The following SEMA5A variants were observed in gnomAD, a reference collection of about 807,000 sequenced individuals.
The protein encoded by SEMA5A is semaphorin-5A.
Under a neutral mutation model 135.5 loss-of-function variants are expected in SEMA5A, and 55 were observed. The observed-to-expected ratio is 0.41, with a 90% CI of 0.33 to 0.51. The LOEUF is 0.51. SEMA5A is among the 20% of genes least tolerant of loss of function. The pLI, the probability that SEMA5A is intolerant of heterozygous loss-of-function variation, is 0.37. For missense variants in SEMA5A, 1,290 were observed against 1,419.9 expected, an observed-to-expected ratio of 0.91 and a Z score of 1.47; for synonymous variants, 580 against 546.5, an observed-to-expected ratio of 1.06 and a Z score of -0.85.
At chr5:9,125,635 A>C (rs1270860057) in intron 13 of SEMA5A, among the ~76,000 whole-genome samples, 2 of 150,898 alleles carry the variant, frequency 1.3e-5, no homozygotes, top group African/African-American at 4.9e-5. Flanking sequence ...GATACACTGG[A>C]TCCTACCCAA....
At chr5:9,316,434 C>A (rs1752392894) in intron 5 of SEMA5A, among the ~76,000 whole-genome samples, 1 of 152,094 alleles carries the variant, frequency 6.6e-6, no homozygotes, top group African/African-American at 2.4e-5. Context: ...ACGGAGCTAG[C>A]AAATTTAAAA....
At chr5:9,510,349 A>G (rs1736138978) in intron 1 of SEMA5A, among the ~76,000 whole-genome samples, 1 of 152,244 alleles carries the variant, frequency 6.6e-6, no homozygotes, top group African/African-American at 2.4e-5. Context: ...TGAACACATT[A>G]AAACCTCCAG....
chr5:9,497,313 T>C (rs1735352578), intron 1 of SEMA5A, among the ~76,000 whole-genome samples: 1 of 152,206 alleles, frequency 6.6e-6, no homozygotes, highest in South Asian at 2.1e-4. Flanking sequence ...CAAGTATCTT[T>C]TTATTTTTAA....
chr5:9,451,163 G>C (rs1364159701), intron 1 of SEMA5A, among the ~76,000 whole-genome samples: 1 of 152,138 alleles, frequency 6.6e-6, no homozygotes, highest in East Asian at 1.9e-4. Flanking sequence ...TCCTCTCTCA[G>C]ATCAGCAGAC....
At chr5:9,124,995 G>A (rs146453428) in intron 13 of SEMA5A, among the ~76,000 whole-genome samples, 25 of 152,196 alleles carry the variant, frequency 1.6e-4, no homozygotes, top group African/African-American at 5.3e-4. Flanking sequence ...CATTCTCTTC[G>A]GGTTACAAAC....
chr5:9,162,000 G>A (rs1321178283), intron 11 of SEMA5A, among the ~76,000 whole-genome samples: 1 of 152,232 alleles, frequency 6.6e-6, no homozygotes, highest in Non-Finnish European at 1.5e-5. Flanking sequence ...CTCACAGGCA[G>A]TGGCAGATGC....
At chr5:9,428,258 T>G (rs1429178123) in intron 2 of SEMA5A, among the ~76,000 whole-genome samples, 1 of 152,130 alleles carries the variant, frequency 6.6e-6, no homozygotes, top group South Asian at 2.1e-4. Flanking sequence ...GACATGTACA[T>G]CCAGATAACT....
intron 8 of SEMA5A, among the ~76,000 whole-genome samples, chr5:9,216,330 T>C (rs899414963): frequency 5.3e-5 from 8 of 152,234 alleles, no homozygotes; most frequent in Non-Finnish European, 7.3e-5. Context: ...TCTATGTCTA[T>C]TGCACTGTGA....
At chr5:9,076,357 G>T (rs1738058493) in intron 16 of SEMA5A, among the ~76,000 whole-genome samples, 1 of 152,002 alleles carries the variant, frequency 6.6e-6, no homozygotes, top group African/African-American at 2.4e-5. Flanking sequence ...AAAAAAAGTT[G>T]ATCACATGGA....
intron 1 of SEMA5A, among the ~76,000 whole-genome samples, chr5:9,504,233 AAAAAAAC>A (rs1735751262): frequency 4.6e-5 from 7 of 151,514 alleles, no homozygotes; most frequent in African/African-American, 1.7e-4. Context: ...AGAAAAAAAA[AAAAAAAC>A]AAAAGAAAAG....
At chr5:9,448,816 G>C (rs1265479865) in intron 1 of SEMA5A, among the ~76,000 whole-genome samples, 1 of 152,144 alleles carries the variant, frequency 6.6e-6, no homozygotes, top group Non-Finnish European at 1.5e-5. Context: ...ACCGTGACAT[G>C]TGATGCTGGC....
At chr5:9,197,117 G>T (rs761078982) in intron 10 of SEMA5A, 51 bp downstream of exon 10, 3 of 1,610,112 alleles carry the variant, frequency 1.9e-6, no homozygotes, top group East Asian at 2.2e-5. Context: ...CAAGGCTTCT[G>T]CATTCTTCAT....
At position 9,379,973 on chromosome 5, in the gene SEMA5A, G is replaced by A. The variant is rs776254829; in HGVS notation, c.-27C>T. On this transcript the variant is annotated 5_prime_UTR_variant, in exon 3 of 23. Coordinates refer to ENST00000382496, the MANE Select transcript of SEMA5A (RefSeq NM_003966.3). ...GTGGGCAAGGGGCCTCTGACTCTGG[G>A]CACGTGTCTTCTAAACAGAAGCTCT... is the stretch of plus-strand genomic sequence containing the variant. 1.3e-6 allele frequency: 2 copies of A among 1,595,232 alleles called. No individual in the cohort carries two copies. Among genetic ancestry groups the A allele is most frequent in the Non-Finnish European group, 1.7e-6 (2 of 1,169,644 alleles).
intron 11 of SEMA5A, among the ~76,000 whole-genome samples, chr5:9,168,533 G>T (rs2150301603): frequency 6.6e-6 from 1 of 152,274 alleles, no homozygotes; most frequent in African/African-American, 2.4e-5. Flanking sequence ...GTGGGTGAGG[G>T]GGAGGAGGAT....
intron 6 of SEMA5A, among the ~76,000 whole-genome samples, chr5:9,234,236 C>A (rs905526196): frequency 2.6e-5 from 4 of 152,156 alleles, no homozygotes; most frequent in Non-Finnish European, 4.4e-5. Flanking sequence ...GTTCAGGGGG[C>A]AGTCCTTCGG....
intron 5 of SEMA5A, among the ~76,000 whole-genome samples, chr5:9,307,672 T>C (rs1014803674): frequency 2.0e-5 from 3 of 152,104 alleles, no homozygotes; most frequent in Non-Finnish European, 4.4e-5. Flanking sequence ...GGAAGGGACA[T>C]ACAGATAAGG....
At chr5:9,225,250 C>T (rs1327583407) in intron 7 of SEMA5A, among the ~76,000 whole-genome samples, 1 of 151,896 alleles carries the variant, frequency 6.6e-6, no homozygotes, top group Non-Finnish European at 1.5e-5. Context: ...AATAGGATCA[C>T]AATAAAGAAT....
At chr5:9,173,431 A>G (rs918649052) in intron 11 of SEMA5A, among the ~76,000 whole-genome samples, 3 of 152,096 alleles carry the variant, frequency 2.0e-5, no homozygotes, top group Non-Finnish European at 4.4e-5. Flanking sequence ...AGAGATTTAT[A>G]TCTCATAGTT....
chr5:9,265,533 T>G (rs1182598855), intron 5 of SEMA5A: 1 of 456,458 alleles, frequency 2.2e-6, no homozygotes, highest in Admixed American at 2.3e-5. Context: ...GCGGTCCTCC[T>G]GCTCCAGGCT....
Sources: allele counts gnomAD v4.1 joint callset (sites outside exome capture counted in the v4.1 genomes callset), GRCh38; gene constraint gnomAD v4.1.1; transcripts MANE v1.5; gene names NCBI Gene and HGNC (gene_info 2026-07-23, HGNC 2026-07-21).